GLIS3: variants seen among roughly 807,000 people sequenced by gnomAD.
GLIS3 encodes zinc finger protein GLIS3.
In GLIS3, 53 loss-of-function variants were observed where a neutral mutation model predicts 78.6. The observed-to-expected ratio is 0.67, with a 90% confidence interval of 0.54 to 0.85. GLIS3 has a LOEUF of 0.85. Among genes scored for constraint, GLIS3 ranks in the 40% least tolerant of loss-of-function variants. The pLI is 0.00. For missense variants in GLIS3, 1,703 were observed against 1,231.1 expected (o/e 1.38, Z -5.74); for synonymous variants, 684 against 509.9 (o/e 1.34, Z -4.60).
intron 2 of GLIS3, among the ~76,000 whole-genome samples, chr9:4,280,097 G>A (rs529726830): frequency 2.4e-4 from 36 of 152,272 alleles, no homozygotes; most frequent in African/African-American, 6.7e-4. Context: ...ATGGCTCACC[G>A]CAGCCTCAAA....
intron 4 of GLIS3, among the ~76,000 whole-genome samples, chr9:3,976,544 A>ATGAGT (rs1216390294): frequency 2.6e-5 from 4 of 151,840 alleles, no homozygotes; most frequent in Non-Finnish European, 4.4e-5. Context: ...TGAGTAGGAA[A>ATGAGT]AGGACTCTTG....
the GLIS3 span, among the ~76,000 whole-genome samples, chr9:4,372,934 G>A: frequency 2.0e-5 from 3 of 152,168 alleles, no homozygotes; most frequent in African/African-American, 7.2e-5. Flanking sequence ...AAGGAGAACG[G>A]CTGATATTTC....
chr9:4,156,168 G>A (rs950687115), intron 2 of GLIS3, among the ~76,000 whole-genome samples: 4 of 151,910 alleles, frequency 2.6e-5, no homozygotes, highest in African/African-American at 9.7e-5. Context: ...CAGCCCTGAA[G>A]CCTTCCTTCA....
the GLIS3 span, among the ~76,000 whole-genome samples, chr9:4,407,580 G>A: frequency 2.2e-4 from 34 of 152,342 alleles, no homozygotes; most frequent in South Asian, 6.8e-3. Flanking sequence ...CCGGGAGGCG[G>A]AGCTTGCGGT....
chr9:3,841,991 T>A (rs969735848), intron 9 of GLIS3, among the ~76,000 whole-genome samples: 1 of 152,186 alleles, frequency 6.6e-6, no homozygotes, highest in African/African-American at 2.4e-5. Context: ...AAGGGAAGCA[T>A]GGTAAAGAAT....
At chr9:3,883,284 T>C (rs1166024179) in intron 7 of GLIS3, among the ~76,000 whole-genome samples, 1 of 152,216 alleles carries the variant, frequency 6.6e-6, no homozygotes, top group African/African-American at 2.4e-5. Flanking sequence ...GAATATTCTT[T>C]TATGCATTCA....
intron 5 of GLIS3, among the ~76,000 whole-genome samples, chr9:3,933,146 A>G (rs570075807): frequency 1.1e-4 from 17 of 151,416 alleles, no homozygotes; most frequent in Non-Finnish European, 2.9e-5. Context: ...CTCCTGGGAG[A>G]TGTGAGGTGT....
intron 4 of GLIS3, among the ~76,000 whole-genome samples, chr9:4,101,481 C>T (rs1055786045): frequency 6.6e-6 from 1 of 152,110 alleles, no homozygotes; most frequent in African/African-American, 2.4e-5. Flanking sequence ...TTGTCAGTGT[C>T]TATTATTGCT....
At chr9:4,474,086 A>G in the GLIS3 span, among the ~76,000 whole-genome samples, 1 of 152,324 alleles carries the variant, frequency 6.6e-6, no homozygotes, top group East Asian at 1.9e-4. Flanking sequence ...TTCTGTGTAC[A>G]TCTGTAAGCT....
At chr9:4,229,776 T>G (rs1168992396) in intron 2 of GLIS3, among the ~76,000 whole-genome samples, 1 of 152,218 alleles carries the variant, frequency 6.6e-6, no homozygotes, top group Non-Finnish European at 1.5e-5. Flanking sequence ...AAAAGCTAAG[T>G]GGAAATTTAT....
chr9:4,234,910 G>T (rs1204782444), intron 2 of GLIS3, among the ~76,000 whole-genome samples: 1 of 152,096 alleles, frequency 6.6e-6, no homozygotes, highest in Admixed American at 6.5e-5. Flanking sequence ...CCCTAGAGTT[G>T]GAAGGACTCA....
At chr9:3,893,418 T>G (rs1822594552) in intron 7 of GLIS3, among the ~76,000 whole-genome samples, 1 of 152,180 alleles carries the variant, frequency 6.6e-6, no homozygotes, top group African/African-American at 2.4e-5. Flanking sequence ...ATGAGCCCTG[T>G]GCTGGCTGGG....
intron 4 of GLIS3, among the ~76,000 whole-genome samples, chr9:4,048,954 G>A (rs886666307): frequency 7.2e-5 from 11 of 152,182 alleles, no homozygotes; most frequent in African/African-American, 2.7e-4. Context: ...ACACGTGGCA[G>A]GACAGGAAAT....
At chr9:4,222,829 T>A (rs1191778954) in intron 2 of GLIS3, among the ~76,000 whole-genome samples, 5 of 152,208 alleles carry the variant, frequency 3.3e-5, no homozygotes, top group African/African-American at 9.7e-5. Context: ...TCAAATTCAT[T>A]TTGCTGTCAG....
At chr9:4,295,182 C>G (rs1563913598) in intron 1 of GLIS3, among the ~76,000 whole-genome samples, 1 of 149,048 alleles carries the variant, frequency 6.7e-6, no homozygotes, top group Admixed American at 6.7e-5. Flanking sequence ...CAGGCACTTA[C>G]TTTTTTTTTT....
chr9:4,177,592 T>C (rs2131156727), intron 2 of GLIS3, among the ~76,000 whole-genome samples: 1 of 152,276 alleles, frequency 6.6e-6, no homozygotes, highest in Non-Finnish European at 1.5e-5. Context: ...AATAATAAAA[T>C]CCTACTGAGC....
Position 4,111,881 on chromosome 9 carries a change from G to T in GLIS3, c.1710+5887C>A, listed in dbSNP as rs115286794. On this transcript the variant is annotated intron_variant, in intron 4 of 10. Coordinates refer to ENST00000381971, the MANE Select transcript of GLIS3 (RefSeq NM_001042413.2). ...GTGTTTCAGCCTCAAGAGACAAAGA[G>T]GATATTAATGTTAATTTTATTTATT... 7.8e-3 allele frequency among the ~76,000 whole-genome samples: 1,185 copies of T among 152,204 alleles called. 18 individuals carry two copies. Among genetic ancestry groups the T allele is most frequent in the African/African-American group, 0.027 (1,119 of 41,518 alleles).
At chr9:3,879,723 C>T in intron 7 of GLIS3, 128 bp from the exon 8 acceptor site, 1 of 940,436 alleles carries the variant, frequency 1.1e-6, no homozygotes, top group Non-Finnish European at 1.6e-6. Flanking sequence ...TTTCAGGGAA[C>T]AGTTCTCCCC....
chr9:4,210,141 CTTAGT>C (rs1820257030), intron 2 of GLIS3, among the ~76,000 whole-genome samples: 1 of 152,126 alleles, frequency 6.6e-6, no homozygotes, highest in Non-Finnish European at 1.5e-5. Context: ...CAATACATAC[CTTAGT>C]TAATTCAAGC....
Sources: allele counts gnomAD v4.1 joint callset (sites outside exome capture counted in the v4.1 genomes callset), GRCh38; gene constraint gnomAD v4.1.1; transcripts MANE v1.5; gene names NCBI Gene and HGNC (gene_info 2026-07-23, HGNC 2026-07-21).